ZSWIM5: variants seen among roughly 807,000 people sequenced by gnomAD.
ZSWIM5 encodes the protein zinc finger SWIM domain-containing protein 5.
In ZSWIM5, 55 loss-of-function variants were observed where a neutral mutation model predicts 119.6. That is an observed-to-expected ratio of 0.46 (90% confidence interval 0.37 to 0.58). The LOEUF is 0.58. ZSWIM5 is among the 20% of genes least tolerant of loss of function. The pLI is 0.00. For missense variants in ZSWIM5, 1,193 were observed against 1,512.8 expected, an observed-to-expected ratio of 0.79 and a Z score of 3.51; for synonymous variants, 537 against 606.9, an observed-to-expected ratio of 0.88 and a Z score of 1.69.
At chr1:45,193,938 G>GTGTGTA (rs766920512) in intron 1 of ZSWIM5, among the ~76,000 whole-genome samples, 16 of 146,272 alleles carry the variant, frequency 1.1e-4, no homozygotes, top group African/African-American at 3.8e-4. Flanking sequence ...GTGCATATGT[G>GTGTGTA]TATATATATA....
chr1:45,206,188 C>G lies in ZSWIM5; in HGVS notation c.163G>C (p.Gly55Arg), dbSNP rs973104842. The G allele has an allele frequency of 3.2e-5, 51 of 1,604,208 alleles. No homozygotes were observed. The highest frequency in any genetic ancestry group is 3.1e-4 in the African/African-American group (23 of 74,554). Residue 55 changes from glycine (G) to arginine (R), a missense_variant, in exon 1 of 14, where the codon GGG (glycine) becomes CGG (arginine). By Grantham distance (125) the Gly-to-Arg change is moderately radical. Transcript: ENST00000359600. Reference sequence around the variant, plus strand: ...TCCGGCTGCAGGTGGGGGCGGGCCCCGAGGACCAGGCAGCTGCTGCCGACG... The same window carrying G: ...TCCGGCTGCAGGTGGGGGCGGGCCCGGAGGACCAGGCAGCTGCTGCCGACG... ...GGVGSSCLVLGARPHLQPDSL... is the reference protein window; with the variant it reads ...GGVGSSCLVLRARPHLQPDSL...
chr1:45,017,377 CATG>C lies in ZSWIM5; in HGVS notation c.*1074_*1076del, dbSNP rs983280025. The C allele has an allele frequency of 7.2e-5, 11 of 152,224 alleles. No individual in the cohort carries two copies. The highest frequency in any genetic ancestry group is 1.9e-4 in the African/African-American group (8 of 41,454). 9.4% of individuals were successfully genotyped at this position (152,224 alleles called of 1,614,324 possible). ...GATACACATACTAAACATGCACAAA[CATG>C]AGTGCATTTGCACAAAGATGTGCAT... On this transcript the variant is annotated 3_prime_UTR_variant, in exon 14 of 14. Transcript: ENST00000359600.
intron 2 of ZSWIM5, among the ~76,000 whole-genome samples, chr1:45,082,894 T>C (rs1352675408): frequency 1.3e-5 from 2 of 152,162 alleles, no homozygotes; most frequent in Non-Finnish European, 2.9e-5. Flanking sequence ...ATACAGGTCC[T>C]GAACCAAGGC....
intron 1 of ZSWIM5, among the ~76,000 whole-genome samples, chr1:45,163,044 A>G (rs1005292596): frequency 1.3e-5 from 2 of 152,228 alleles, no homozygotes; most frequent in African/African-American, 2.4e-5. Context: ...TTGACCCCCA[A>G]GTAGCCTAAC....
At position 45,036,134 on chromosome 1, in the gene ZSWIM5, C is replaced by T. The variant is rs200829972; in HGVS notation, c.2060G>A (p.Arg687His). Reference protein sequence around the residue: ...EGLYAQDKVCRNEEQLLSQLQ... With the variant: ...EGLYAQDKVCHNEEQLLSQLQ... ...TTGGCTCAGGAGCTGCTCCTCATTA[C>T]GGCATACCTTGTCCTGTGCGTAGAG... Residue 687 changes from arginine (R) to histidine (H), a missense_variant, in exon 9 of 14, where the codon CGT (arginine) becomes CAT (histidine). Arg to His is a conservative substitution (Grantham distance 29). Around this residue, in one of 2 missense-constraint regions of ZSWIM5, gnomAD observed 961 missense variants for 1,290.0 expected, o/e 0.74. Transcript: ENST00000359600. The T allele has an allele frequency of 1.4e-5, 22 of 1,613,992 alleles. No individual in the cohort carries two copies. Among genetic ancestry groups the T allele is most frequent in the African/African-American group, 6.7e-5 (5 of 74,890 alleles).
At chr1:45,146,327 C>T (rs1045733538) in intron 1 of ZSWIM5, among the ~76,000 whole-genome samples, 2 of 148,666 alleles carry the variant, frequency 1.3e-5, no homozygotes. Context: ...AGATACCTAC[C>T]ATGTTGTAAC....
At chr1:45,065,759 C>CA (rs1258242425) in intron 2 of ZSWIM5, among the ~76,000 whole-genome samples, 1 of 152,038 alleles carries the variant, frequency 6.6e-6, no homozygotes, top group Admixed American at 6.6e-5. Context: ...ATCGAGGTAA[C>CA]AAACTACAAG....
At chr1:45,139,644 G>T (rs1402501330) in intron 1 of ZSWIM5, among the ~76,000 whole-genome samples, 1 of 148,836 alleles carries the variant, frequency 6.7e-6, no homozygotes, top group Non-Finnish European at 1.5e-5. Context: ...ACCATGCCCA[G>T]CTAATTTTTT....
chr1:45,182,360 C>A (rs1240802009), intron 1 of ZSWIM5, among the ~76,000 whole-genome samples: 1 of 150,406 alleles, frequency 6.6e-6, no homozygotes, highest in Admixed American at 6.6e-5. Flanking sequence ...GCGGAGATCG[C>A]GCCACAGCAC....
chr1:45,184,482 T>C (rs893980457), intron 1 of ZSWIM5, among the ~76,000 whole-genome samples: 5 of 152,208 alleles, frequency 3.3e-5, no homozygotes, highest in African/African-American at 7.2e-5. Flanking sequence ...GATGTCATGA[T>C]TGTATATCTA....
At chr1:45,033,131 T>C (rs1490960192) in intron 11 of ZSWIM5, among the ~76,000 whole-genome samples, 1 of 152,186 alleles carries the variant, frequency 6.6e-6, no homozygotes, top group Non-Finnish European at 1.5e-5. Flanking sequence ...ATTATCAGAT[T>C]TGTTTTTTGC....
At chr1:45,056,072 A>G (rs1645119601) in intron 4 of ZSWIM5, among the ~76,000 whole-genome samples, 1 of 152,232 alleles carries the variant, frequency 6.6e-6, no homozygotes. Context: ...GCAATATGGA[A>G]ATTATTTGTG....
intron 1 of ZSWIM5, among the ~76,000 whole-genome samples, chr1:45,201,859 C>A (rs1646160124): frequency 6.6e-6 from 1 of 152,136 alleles, no homozygotes; most frequent in African/African-American, 2.4e-5. Context: ...ATGCACAAAT[C>A]TGGAGTTTTC....
Position 45,160,657 on chromosome 1 carries a change from CT to C in ZSWIM5, c.595+45098del, listed in dbSNP as rs35617888. ...TATTTCATTGTGTATATATGTACCA[CT>C]TTTTTTTTTTTTTGAGAAGTAGTTT... On this transcript the variant is annotated intron_variant, in intron 1 of 13. Coordinates refer to ENST00000359600, the MANE Select transcript of ZSWIM5 (RefSeq NM_020883.2). 2.8e-3 allele frequency among the ~76,000 whole-genome samples: 396 copies of C among 142,678 alleles called. 1 individual carries two copies. Among genetic ancestry groups the C allele is most frequent in the South Asian group, 4.4e-3 (20 of 4,510 alleles). The allele number at this position is 142,678 out of a possible 152,430, so 93.6% of individuals were successfully genotyped here. A position where few individuals can be genotyped will look rare whatever the true frequency, so the allele number is the denominator to read the frequency against.
chr1:45,170,764 G>C (rs1270088326), intron 1 of ZSWIM5, among the ~76,000 whole-genome samples: 1 of 149,954 alleles, frequency 6.7e-6, no homozygotes, highest in Middle Eastern at 3.3e-3. Flanking sequence ...TTTCTGTTGA[G>C]ATGGGGTCTT....
intron 3 of ZSWIM5, 58 bp from the exon 4 acceptor site, chr1:45,058,817 AGAAG>A (rs1471399745): frequency 2.5e-6 from 4 of 1,597,210 alleles, no homozygotes; most frequent in Non-Finnish European, 3.4e-6. Context: ...AAGTAGGAGG[AGAAG>A]GAAGTGGGGG....
chr1:45,081,986 A>C (rs1645296178), intron 2 of ZSWIM5, among the ~76,000 whole-genome samples: 2 of 152,184 alleles, frequency 1.3e-5, no homozygotes, highest in Non-Finnish European at 2.9e-5. Flanking sequence ...TGTACTAAGA[A>C]AAATTCTTCT....
intron 11 of ZSWIM5, among the ~76,000 whole-genome samples, chr1:45,024,573 G>C (rs560471566): frequency 1.1e-3 from 173 of 151,646 alleles, no homozygotes; most frequent in African/African-American, 3.8e-3. Flanking sequence ...TTGTGCTTTT[G>C]GTGTTGTATC....
At chr1:45,188,689 G>T (rs1646073787) in intron 1 of ZSWIM5, among the ~76,000 whole-genome samples, 1 of 152,214 alleles carries the variant, frequency 6.6e-6, no homozygotes, top group South Asian at 2.1e-4. Context: ...GCTGGAGACT[G>T]GTTTTCAAGG....
Sources: allele counts gnomAD v4.1 joint callset (sites outside exome capture counted in the v4.1 genomes callset), GRCh38; gene constraint gnomAD v4.1.1; regional missense constraint gnomAD v4.1.1; transcripts MANE v1.5; gene names NCBI Gene and HGNC (gene_info 2026-07-23, HGNC 2026-07-21).